The following CSMD3 variants were observed in gnomAD, a reference collection of about 807,000 sequenced individuals.
CSMD3 encodes the protein CUB and sushi domain-containing protein 3.
In CSMD3, 177 loss-of-function variants were observed where a neutral mutation model predicts 435.2. The ratio of observed to expected loss-of-function variants is 0.41; its 90% CI spans 0.36 to 0.46. The LOEUF is 0.46. CSMD3 is among the 20% of genes least tolerant of loss of function. The pLI is 0.34. For missense variants in CSMD3, 4,265 were observed against 4,504.6 expected, an observed-to-expected ratio of 0.95 and a Z score of 1.52; for synonymous variants, 1,656 against 1,520.5, an observed-to-expected ratio of 1.09 and a Z score of -2.07.
At chr8:112,480,883 GAA>G (rs1296788426) in intron 31 of CSMD3, among the ~76,000 whole-genome samples, 1 of 152,266 alleles carries the variant, frequency 6.6e-6, no homozygotes, top group African/African-American at 2.4e-5. Context: ...TTTAGTGAGT[GAA>G]GTTTTATTCA....
At chr8:113,291,377 T>C (rs971686065) in intron 2 of CSMD3, among the ~76,000 whole-genome samples, 5 of 151,958 alleles carry the variant, frequency 3.3e-5, no homozygotes, top group Admixed American at 6.6e-5. Context: ...ATAACTACGA[T>C]AGGACTTCAT....
intron 61 of CSMD3, chr8:112,255,716 T>C: frequency 2.6e-6 from 1 of 384,942 alleles, no homozygotes; most frequent in Non-Finnish European, 4.7e-6. Context: ...TTGACCAAAA[T>C]CAAACCACAT....
intron 46 of CSMD3, among the ~76,000 whole-genome samples, chr8:112,319,205 T>C (rs1822755932): frequency 1.3e-5 from 2 of 152,022 alleles, no homozygotes; most frequent in East Asian, 3.9e-4. Flanking sequence ...ATATAAGCAA[T>C]AGTCATAAGG....
At chr8:112,756,837 C>T (rs1417071374) in intron 13 of CSMD3, among the ~76,000 whole-genome samples, 1 of 150,046 alleles carries the variant, frequency 6.7e-6, no homozygotes, top group African/African-American at 2.5e-5. Context: ...GGCGCAATCT[C>T]TGCTCACTGC....
chr8:112,612,063 T>C (rs1833297576), intron 22 of CSMD3, among the ~76,000 whole-genome samples: 1 of 152,118 alleles, frequency 6.6e-6, no homozygotes, highest in East Asian at 1.9e-4. Context: ...GTGAATGAAA[T>C]AACCAATTTT....
chr8:113,288,523 T>C (rs1222391285), intron 2 of CSMD3, among the ~76,000 whole-genome samples: 1 of 151,904 alleles, frequency 6.6e-6, no homozygotes, highest in Non-Finnish European at 1.5e-5. Flanking sequence ...TTCTTATTTT[T>C]TCCATTGAAT....
intron 25 of CSMD3, among the ~76,000 whole-genome samples, chr8:112,555,723 T>A (rs1360849396): frequency 6.6e-6 from 1 of 151,952 alleles, no homozygotes; most frequent in African/African-American, 2.4e-5. Flanking sequence ...TAACTAGAAT[T>A]TCATATTTTC....
chr8:113,129,624 A>C (rs929864845), intron 4 of CSMD3, among the ~76,000 whole-genome samples: 1 of 152,182 alleles, frequency 6.6e-6, no homozygotes, highest in Non-Finnish European at 1.5e-5. Flanking sequence ...CTTCATGTTC[A>C]GTTGAAAGTT....
intron 45 of CSMD3, among the ~76,000 whole-genome samples, chr8:112,327,092 G>A (rs1823587758): frequency 6.6e-6 from 1 of 152,068 alleles, no homozygotes. Flanking sequence ...ACCTTATACT[G>A]TAGTATAAAA....
chr8:112,881,967 C>T (rs919333403), intron 10 of CSMD3, among the ~76,000 whole-genome samples: 1 of 151,800 alleles, frequency 6.6e-6, no homozygotes, highest in Non-Finnish European at 1.5e-5. Context: ...AGAATGTCAA[C>T]TGTCAAGGTC....
chr8:113,013,875 T>C (rs2086353798), intron 6 of CSMD3, among the ~76,000 whole-genome samples: 1 of 152,136 alleles, frequency 6.6e-6, no homozygotes, highest in South Asian at 2.1e-4. Context: ...GCAGACAGTG[T>C]TCCAGAAGGT....
intron 5 of CSMD3, among the ~76,000 whole-genome samples, chr8:113,028,189 A>G (rs940645410): frequency 6.6e-6 from 1 of 152,074 alleles, no homozygotes; most frequent in Non-Finnish European, 1.5e-5. Flanking sequence ...TGTTATGGTG[A>G]TGTATAAACA....
intron 59 of CSMD3, among the ~76,000 whole-genome samples, chr8:112,277,738 A>G (rs1016845375): frequency 1.3e-5 from 2 of 152,194 alleles, no homozygotes; most frequent in African/African-American, 4.8e-5. Context: ...GGGAGGCCTC[A>G]CAATTATAGC....
intron 27 of CSMD3, among the ~76,000 whole-genome samples, chr8:112,548,665 A>G (rs1456033134): frequency 6.6e-6 from 1 of 152,106 alleles, no homozygotes; most frequent in Non-Finnish European, 1.5e-5. Flanking sequence ...GATTCTTGGC[A>G]CCCATCAAGA....
rs183484489 is a variant in CSMD3 at position 112,283,255 on chromosome 8, T to C, written c.9332-1905A>G. Among the ~76,000 whole-genome samples, 533 of 152,064 alleles carry C rather than the reference T, an allele frequency of 3.5e-3. 4 individuals are homozygous for C. Among genetic ancestry groups the C allele is most frequent in the African/African-American group, 0.012 (495 of 41,548 alleles). The stretch of plus-strand genomic sequence containing the variant: ...CTGAAACATAATACATGTTTGTAAA[T>C]TGAATTTTTTTTTGTGATGCATCTT... On this transcript the variant is annotated intron_variant, in intron 58 of 70. Coordinates refer to ENST00000297405, the MANE Select transcript of CSMD3 (RefSeq NM_198123.2).
intron 11 of CSMD3, among the ~76,000 whole-genome samples, chr8:112,835,207 T>TA (rs2079987305): frequency 6.6e-6 from 1 of 151,866 alleles, no homozygotes; most frequent in Non-Finnish European, 1.5e-5. Flanking sequence ...TAAGGCTCAA[T>TA]ACATAGGTTT....
At chr8:113,270,493 G>A (rs1233319884) in intron 3 of CSMD3, among the ~76,000 whole-genome samples, 1 of 152,070 alleles carries the variant, frequency 6.6e-6, no homozygotes, top group African/African-American at 2.4e-5. Flanking sequence ...CCAAAGGATT[G>A]TAAGTCATGC....
Position 113,206,653 on chromosome 8 carries a change from A to T in CSMD3, c.515-32737T>A, listed in dbSNP as rs531823467. Among the ~76,000 whole-genome samples the T allele has an allele frequency of 2.0e-5, 3 of 152,234 alleles. No individual in the cohort carries two copies. In the South Asian group the frequency reaches 6.2e-4, roughly 32 times the overall value. On this transcript the variant is annotated intron_variant, in intron 3 of 70. Coordinates refer to ENST00000297405, the MANE Select transcript of CSMD3 (RefSeq NM_198123.2). ...AGCCTTGTACAATTACATAGATTCA[A>T]ATGCACATGTATAGAAGTTCTTATC...
At chr8:112,351,080 A>G in intron 40 of CSMD3, 95 bp downstream of exon 40, 1 of 808,858 alleles carries the variant, frequency 1.2e-6, no homozygotes, top group Admixed American at 1.9e-5. Flanking sequence ...ATACAGAATG[A>G]AACTTTAAAA....
Sources: allele counts gnomAD v4.1 joint callset (sites outside exome capture counted in the v4.1 genomes callset), GRCh38; gene constraint gnomAD v4.1.1; transcripts MANE v1.5; gene names NCBI Gene and HGNC (gene_info 2026-07-23, HGNC 2026-07-21).